Variants in RIMBP2 observed in about 807,000 individuals in gnomAD.
The protein encoded by RIMBP2 is RIMS binding protein 2, also known as RIMS-binding protein 2.
RIMBP2 carries 48 observed loss-of-function variants against 118.6 expected under a neutral mutation model. The ratio of observed to expected loss-of-function variants is 0.40; its 90% CI spans 0.32 to 0.51. The LOEUF (loss-of-function observed/expected upper bound fraction) is 0.51, where lower values mean the gene tolerates loss of function less well. Among genes scored for constraint, RIMBP2 ranks in the 20% least tolerant of loss-of-function variants. The pLI is 0.41. For synonymous variants in RIMBP2, 762 were observed against 742.9 expected, an observed-to-expected ratio of 1.03 and a Z score of -0.42; for missense variants, 1,551 against 1,768.3, an observed-to-expected ratio of 0.88 and a Z score of 2.20.
At chr12:130,547,714 G>A (rs1257354444) in intron 2 of RIMBP2, among the ~76,000 whole-genome samples, 2 of 152,168 alleles carry the variant, frequency 1.3e-5, no homozygotes, top group African/African-American at 2.4e-5. Context: ...TTCCCAACTG[G>A]TTCTTCAGTA....
chr12:130,422,507 G>C lies in RIMBP2; in HGVS notation c.3184C>G (p.Pro1062Ala). The change falls in exon 17 of 23, where the codon CCC (proline) becomes GCC (alanine). Residue 1062 changes from proline (P) to alanine (A), a missense_variant. By Grantham distance (27) the Pro-to-Ala change is conservative. Around this residue, in one of 5 missense-constraint regions of RIMBP2, gnomAD observed 1,038 missense variants for 1,125.1 expected, o/e 0.92. Transcript: ENST00000690449. This position sits in a 1 kb window ranked among gnomAD's most constrained non-coding sequence, Gnocchi z 5.2. Reference protein sequence around the residue: ...GRVDHMGRRFPRGSAGPQRSR... With the variant: ...GRVDHMGRRFARGSAGPQRSR... ...CTCTGAGGACCAGCGCTGCCACGGGGAAACCTCCGGCCCATGTGATCCACC... is the reference window on the plus strand; with the variant it reads ...CTCTGAGGACCAGCGCTGCCACGGGCAAACCTCCGGCCCATGTGATCCACC... 1 of 1,613,100 alleles carries C rather than the reference G, an allele frequency of 6.2e-7. No homozygotes were observed. The highest frequency in any genetic ancestry group is 8.5e-7 in the Non-Finnish European group (1 of 1,179,584).
intron 1 of RIMBP2, among the ~76,000 whole-genome samples, chr12:130,639,487 C>CAAAAAAAAAAAAAA (rs138670754): frequency 1.1e-5 from 1 of 88,086 alleles, no homozygotes; most frequent in African/African-American, 4.9e-5. Context: ...GATCCTGCCT[C>CAAAAAAAAAAAAAA]AAAAAAAAAA....
intron 1 of RIMBP2, among the ~76,000 whole-genome samples, chr12:130,656,562 T>C (rs2063436642): frequency 7.4e-6 from 1 of 134,604 alleles, no homozygotes; most frequent in African/African-American, 3.1e-5. Context: ...TTTCTGAGGC[T>C]GTCAGGAGAA....
At chr12:130,639,245 C>T (rs1483174211) in intron 1 of RIMBP2, among the ~76,000 whole-genome samples, 3 of 151,636 alleles carry the variant, frequency 2.0e-5, no homozygotes, top group Non-Finnish European at 2.9e-5. Flanking sequence ...AAAAATTAGC[C>T]GGGCATGGTG....
In RIMBP2 at chr12:130,709,789, G is replaced by A. The variant is rs1160413962; in HGVS notation, c.-352+6433C>T. On this transcript the variant is annotated intron_variant, in intron 1 of 22. Transcript: ENST00000690449. ...CATTCCCATCGCGGACACACACTGG[G>A]TGTGGCACCAGGAGCGTTTAATCAG... Among the ~76,000 whole-genome samples the A allele has an allele frequency of 3.3e-5, 5 of 152,088 alleles. No individual in the cohort carries two copies. The East Asian group carries it at 9.7e-4, about 29-fold the overall frequency.
In RIMBP2 at chr12:130,710,417, C is replaced by T. The variant is rs767585862; in HGVS notation, c.-352+5805G>A. 7.2e-5 allele frequency among the ~76,000 whole-genome samples: 11 copies of T among 151,740 alleles called. No homozygotes were observed. Among genetic ancestry groups the T allele is most frequent in the Non-Finnish European group, 8.8e-5 (6 of 68,010 alleles). On this transcript the variant is annotated intron_variant, in intron 1 of 22. Coordinates refer to ENST00000690449, the MANE Select transcript of RIMBP2 (RefSeq NM_001393629.1). This position sits in a 1 kb window ranked among gnomAD's most constrained non-coding sequence, Gnocchi z 4.3. ...ATTCATTCACTTGCCCGTTGTCTTA[C>T]ACATGCACACACACACATACACGCA...
At chr12:130,435,292 C>T (rs1235363897) in intron 13 of RIMBP2, among the ~76,000 whole-genome samples, 1 of 152,146 alleles carries the variant, frequency 6.6e-6, no homozygotes, top group African/African-American at 2.4e-5. Flanking sequence ...GATCTGCCCA[C>T]CTCGGCCTCC....
chr12:130,610,868 G>A (rs1447045356), intron 2 of RIMBP2, among the ~76,000 whole-genome samples: 1 of 152,112 alleles, frequency 6.6e-6, no homozygotes, highest in Non-Finnish European at 1.5e-5. Flanking sequence ...CCATTTTCCT[G>A]CTTTAAATTC....
rs1184976295 is a variant in RIMBP2 at position 130,523,892 on chromosome 12, G to C, written c.-216-5975C>G. On this transcript the variant is annotated intron_variant, in intron 2 of 22. Transcript: ENST00000690449. The surrounding 1 kb of genome is among the most constrained non-coding windows in gnomAD (Gnocchi z 4.4). ...ATACAGGTCTGGTCTCAGAGGTGGG[G>C]AAGAGGGTCCACCCAGCACAAATAC... Among the ~76,000 whole-genome samples, 2 of 152,158 alleles carry C rather than the reference G, an allele frequency of 1.3e-5. No individual in the cohort carries two copies. Among genetic ancestry groups the C allele is most frequent in the African/African-American group, 2.4e-5 (1 of 41,436 alleles).
chr12:130,614,101 C>T, intron 2 of RIMBP2, among the ~76,000 whole-genome samples: 2 of 152,226 alleles, frequency 1.3e-5, no homozygotes, highest in East Asian at 3.8e-4. Context: ...ATGCAACAGG[C>T]TGGCCTACAC....
intron 21 of RIMBP2, among the ~76,000 whole-genome samples, chr12:130,405,450 G>T (rs761699059): frequency 5.4e-4 from 83 of 152,316 alleles, no homozygotes; most frequent in Admixed American, 5.0e-3. Flanking sequence ...CATGTGCAAG[G>T]TGGGGACCCC....
intron 1 of RIMBP2, among the ~76,000 whole-genome samples, chr12:130,641,298 G>A (rs1228018044): frequency 6.6e-6 from 1 of 151,942 alleles, no homozygotes; most frequent in African/African-American, 2.4e-5. Context: ...ATCTCATGGT[G>A]ACTGCCGGAC....
intron 10 of RIMBP2, among the ~76,000 whole-genome samples, chr12:130,444,541 G>C (rs992205706): frequency 6.6e-6 from 1 of 152,250 alleles, no homozygotes; most frequent in African/African-American, 2.4e-5. Flanking sequence ...AAATCCTTTA[G>C]AACGTTGATT....
At position 130,502,342 on chromosome 12, in the gene RIMBP2, T is replaced by C. The variant is rs561845016; in HGVS notation, c.-4+4306A>G. ...GTCTTATTGGGACGGGGGTAATACA[T>C]ACAGTTCTACAGTTCTTGGAATTCT... On this transcript the variant is annotated intron_variant, in intron 4 of 22. Transcript: ENST00000690449. 3.3e-5 allele frequency among the ~76,000 whole-genome samples: 5 copies of C among 152,296 alleles called. No individual in the cohort carries two copies. In the East Asian group the frequency reaches 7.7e-4, roughly 24 times the overall value.
intron 2 of RIMBP2, among the ~76,000 whole-genome samples, chr12:130,627,429 C>T (rs550730176): frequency 1.3e-5 from 2 of 152,342 alleles, no homozygotes; most frequent in South Asian, 4.1e-4. Context: ...TCAGATCACA[C>T]CTCTGCACAG....
chr12:130,556,820 GT>G (rs1485753061), intron 2 of RIMBP2, among the ~76,000 whole-genome samples: 1 of 152,206 alleles, frequency 6.6e-6, no homozygotes, highest in Non-Finnish European at 1.5e-5. Flanking sequence ...CAGGAAGGGG[GT>G]CAGGATGAGA....
At chr12:130,514,810 G>A (rs1440725596) in intron 3 of RIMBP2, among the ~76,000 whole-genome samples, 1 of 152,196 alleles carries the variant, frequency 6.6e-6, no homozygotes, top group East Asian at 1.9e-4. Flanking sequence ...TCCTGCAAGT[G>A]TAGGTTTGGA....
chr12:130,402,377 A>T (rs1233182748), intron 21 of RIMBP2, among the ~76,000 whole-genome samples: 1 of 152,060 alleles, frequency 6.6e-6, no homozygotes, highest in African/African-American at 2.4e-5. Context: ...TGTCCCTCTG[A>T]CTGGCAGTCA....
chr12:130,652,428 A>G (rs1173887151), intron 1 of RIMBP2, among the ~76,000 whole-genome samples: 2 of 152,194 alleles, frequency 1.3e-5, no homozygotes, highest in Non-Finnish European at 2.9e-5. Flanking sequence ...CTTGTCCTTA[A>G]CTTCTAAATG....
Sources: gnomAD v4.1 joint callset for allele counts (sites outside exome capture counted in the v4.1 genomes callset) on GRCh38, gnomAD v4.1.1 for gene constraint, gnomAD v4.1.1 regional missense constraint, Gnocchi (gnomAD v3.1) non-coding constraint, MANE v1.5 for transcripts, NCBI Gene and HGNC (gene_info 2026-07-23, HGNC 2026-07-21) for gene names.